TAOK3: variants seen among roughly 807,000 people sequenced by gnomAD.
The protein encoded by TAOK3 is serine/threonine-protein kinase TAO3.
In TAOK3, 40 loss-of-function variants were observed where a neutral mutation model predicts 120.4. That is an observed-to-expected ratio of 0.33 (90% CI 0.26 to 0.43). TAOK3 has a LOEUF of 0.43. Among genes scored for constraint, TAOK3 ranks in the 20% least tolerant of loss-of-function variants. The pLI, the probability that TAOK3 is intolerant of heterozygous loss-of-function variation, is 1.00. For missense variants in TAOK3, 821 were observed against 1,112.1 expected, an observed-to-expected ratio of 0.74 and a Z score of 3.72; for synonymous variants, 355 against 387.5, an observed-to-expected ratio of 0.92 and a Z score of 0.99.
intron 3 of TAOK3, 103 bp downstream of exon 3, chr12:118,255,345 G>T: frequency 1.6e-6 from 2 of 1,246,740 alleles, no homozygotes; most frequent in East Asian, 2.5e-5. Flanking sequence ...CTCCCACCTT[G>T]GCCTTGCAAA....
At chr12:118,253,309 T>C (rs1446112993) in intron 3 of TAOK3, among the ~76,000 whole-genome samples, 1 of 152,204 alleles carries the variant, frequency 6.6e-6, no homozygotes, top group African/African-American at 2.4e-5. Flanking sequence ...CCACTTAAAA[T>C]GGAAGAGTCA....
At chr12:118,218,240 T>TTA (rs2139590352) in intron 9 of TAOK3, among the ~76,000 whole-genome samples, 1 of 152,176 alleles carries the variant, frequency 6.6e-6, no homozygotes, top group South Asian at 2.1e-4. Flanking sequence ...TCGAATGGAT[T>TTA]TATATCTGTT....
intron 13 of TAOK3, among the ~76,000 whole-genome samples, chr12:118,197,946 G>C (rs1037347045): frequency 1.3e-5 from 2 of 151,962 alleles, no homozygotes; most frequent in African/African-American, 4.8e-5. Context: ...CTCGGCCATT[G>C]CGCCTGGCCT....
chr12:118,242,374 T>C (rs186020795), intron 5 of TAOK3, among the ~76,000 whole-genome samples: 1 of 152,308 alleles, frequency 6.6e-6, no homozygotes, highest in East Asian at 1.9e-4. Flanking sequence ...TGATAGTCTA[T>C]TTAAGAACAA....
rs1169082379 is a variant in TAOK3, at chr12:118,150,818, G to A, written c.*179C>T. The A allele has an allele frequency of 1.5e-6, 1 of 689,654 alleles. No homozygotes were observed. Among genetic ancestry groups the A allele is most frequent in the African/African-American group, 1.8e-5 (1 of 55,540 alleles). 42.7% of individuals were successfully genotyped at this position (689,654 alleles called of 1,614,324 possible). The stretch of plus-strand genomic sequence containing the variant: ...CTGAAAGTTGACACGGGGGGAGGAA[G>A]GGGGCCCCTGATGGAGTAAGAATAA... On this transcript the variant is annotated 3_prime_UTR_variant, in exon 21 of 21. Transcript: ENST00000392533.
chr12:118,234,933 T>A (rs2039960379), intron 8 of TAOK3, among the ~76,000 whole-genome samples: 1 of 152,214 alleles, frequency 6.6e-6, no homozygotes, highest in South Asian at 2.1e-4. Context: ...GTGTAAGCAG[T>A]TGCTTAGTAA....
At chr12:118,334,985 C>G (rs903647546) in intron 1 of TAOK3, among the ~76,000 whole-genome samples, 2 of 151,754 alleles carry the variant, frequency 1.3e-5, no homozygotes, top group Admixed American at 6.6e-5. Context: ...TTGAGACCAG[C>G]CTGGCCAACA....
intron 11 of TAOK3, among the ~76,000 whole-genome samples, chr12:118,203,947 C>T (rs749103385): frequency 3.3e-5 from 5 of 152,072 alleles, no homozygotes; most frequent in African/African-American, 7.2e-5. Context: ...CAAGAGTTCA[C>T]GAAACACTGT....
intron 1 of TAOK3, among the ~76,000 whole-genome samples, chr12:118,331,556 A>G (rs543423766): frequency 9.2e-4 from 140 of 151,504 alleles, no homozygotes; most frequent in Non-Finnish European, 1.8e-4. Context: ...GAGGCAGAAG[A>G]ATCATTTGAA....
At chr12:118,339,600 C>G (rs1185334804) in intron 1 of TAOK3, among the ~76,000 whole-genome samples, 1 of 146,626 alleles carries the variant, frequency 6.8e-6, no homozygotes, top group African/African-American at 2.5e-5. Flanking sequence ...GGGTCTTACT[C>G]TGTCGCCCAG....
At chr12:118,207,931 G>A (rs1448500942) in intron 11 of TAOK3, among the ~76,000 whole-genome samples, 1 of 150,050 alleles carries the variant, frequency 6.7e-6, no homozygotes, top group Non-Finnish European at 1.5e-5. Flanking sequence ...AACTTTAGTT[G>A]TAATTTCTTC....
At chr12:118,287,073 C>T (rs1011115592) in intron 1 of TAOK3, among the ~76,000 whole-genome samples, 9 of 152,082 alleles carry the variant, frequency 5.9e-5, no homozygotes, top group Admixed American at 2.0e-4. Context: ...GGGGAAAGGA[C>T]GGGAAGGGGG....
intron 14 of TAOK3, among the ~76,000 whole-genome samples, chr12:118,184,997 CTTCT>C: frequency 6.6e-6 from 1 of 152,152 alleles, no homozygotes; most frequent in East Asian, 1.9e-4. Context: ...GGTTTCCTTC[CTTCT>C]GATGCCAGGC....
chr12:118,230,816 C>A (rs1314511863), intron 9 of TAOK3, among the ~76,000 whole-genome samples: 1 of 152,012 alleles, frequency 6.6e-6, no homozygotes, highest in Admixed American at 6.6e-5. Flanking sequence ...GTTATAAGCC[C>A]TTTTTAAAAC....
In TAOK3 at chr12:118,172,458, T is replaced by C; in HGVS notation, c.1898A>G (p.Glu633Gly). 2 of 1,614,062 alleles carry C rather than the reference T, an allele frequency of 1.2e-6. No individual in the cohort carries two copies. The highest frequency in any genetic ancestry group is 1.7e-6 in the Non-Finnish European group (2 of 1,179,960). ...AATAGTTACGAGCGTAATAAATACC[T>C]CCCGAATGTTCTGCTGCTCCACCTC... ...RHEVEQQNIR[E>G]ELNKKRTQKE... Residue 633 changes from glutamate (E) to glycine (G), a missense_variant and splice_region_variant, in exon 17 of 21, where the codon GAG (glutamate) becomes GGG (glycine). Coordinates refer to ENST00000392533, the MANE Select transcript of TAOK3 (RefSeq NM_016281.4).
chr12:118,270,691 T>TTTG (rs1566042917), intron 1 of TAOK3, among the ~76,000 whole-genome samples: 1 of 149,348 alleles, frequency 6.7e-6, no homozygotes, highest in African/African-American at 2.5e-5. Context: ...TTTTTTTTTT[T>TTTG]GAGACAAAGT....
chr12:118,163,525 C>A (rs1042158446), intron 17 of TAOK3, among the ~76,000 whole-genome samples: 12 of 150,280 alleles, frequency 8.0e-5, no homozygotes, highest in African/African-American at 2.9e-4. Context: ...AAGTGATCCT[C>A]CCATCTCAAC....
At chr12:118,301,628 G>A (rs891317635) in intron 1 of TAOK3, among the ~76,000 whole-genome samples, 2 of 151,934 alleles carry the variant, frequency 1.3e-5, no homozygotes, top group Admixed American at 1.3e-4. Context: ...GGCGGATCAC[G>A]AGGTCAGGAG....
At chr12:118,210,272 C>T (rs186992853) in intron 11 of TAOK3, among the ~76,000 whole-genome samples, 39 of 152,206 alleles carry the variant, frequency 2.6e-4, no homozygotes, top group Non-Finnish European at 3.7e-4. Context: ...AAAAGGAAAG[C>T]GCCGAAAGGT....
Sources: allele counts gnomAD v4.1 joint callset (sites outside exome capture counted in the v4.1 genomes callset), GRCh38; gene constraint gnomAD v4.1.1; transcripts MANE v1.5; gene names NCBI Gene and HGNC (gene_info 2026-07-23, HGNC 2026-07-21).